The following APOOL variants were observed in gnomAD, a reference collection of about 807,000 sequenced individuals.
APOOL encodes the protein apolipoprotein O like.
A neutral mutation model predicts 23.1 loss-of-function variants in APOOL; 12 were observed. That is an observed-to-expected ratio of 0.52 (90% confidence interval 0.33 to 0.84). The LOEUF (loss-of-function observed/expected upper bound fraction) is 0.84. Ranked by LOEUF, APOOL falls within the 40% of genes least tolerant of loss-of-function variation. The pLI is 0.02. For synonymous variants in APOOL, 77 were observed against 69.9 expected, an observed-to-expected ratio of 1.10 and a Z score of -0.51; for missense variants, 212 against 199.6, an observed-to-expected ratio of 1.06 and a Z score of -0.37.
intron 1 of APOOL, among the ~76,000 whole-genome samples, chrX:85,026,818 C>A (rs889923298): frequency 1.8e-5 from 2 of 111,816 alleles, no homozygotes; most frequent in Non-Finnish European, 3.8e-5. Flanking sequence ...ATATCACTGT[C>A]AGCATTTTGG....
Position 85,076,324 on chromosome X carries a change from A to AT in APOOL, c.718+1946dup, listed in dbSNP as rs1183025890. ...CCACGTTTCATATGTAGAATAAAAC[A>AT]TTTTTTTTTTTTTGGCCATGAGAAA... On this transcript the variant is annotated intron_variant, in intron 8 of 8. Transcript: ENST00000373173. Among the ~76,000 whole-genome samples, 753 of 102,903 alleles carry AT rather than the reference A, an allele frequency of 7.3e-3. 8 individuals are homozygous for AT. Among genetic ancestry groups the AT allele is most frequent in the African/African-American group, 0.023 (653 of 28,551 alleles). 89.4% of individuals were successfully genotyped at this position (102,903 alleles called of 115,157 possible).
chrX:85,086,451 A>C (rs935372001), intron 8 of APOOL, among the ~76,000 whole-genome samples: 4 of 111,589 alleles, frequency 3.6e-5, no homozygotes, highest in African/African-American at 1.3e-4. Flanking sequence ...ATCTCAATAA[A>C]TGTCACCTCC....
At position 85,074,294 on chromosome X, in the gene APOOL, A is replaced by T; in HGVS notation, c.621A>T (p.Ile207=). The T allele has an allele frequency of 8.3e-7, 1 of 1,211,499 alleles. No individual in the cohort carries two copies. Among genetic ancestry groups the T allele is most frequent in the Non-Finnish European group, 1.1e-6 (1 of 895,186 alleles). ...AACAGCTAGGATCCTCTTCCGAAAT[A>T]GAAGTACCTGCAAAAACAACTCACG... ...EKTKLGSSSE[I]EVPAKTTHVL... is the part of the protein sequence containing the mutation. The change falls in exon 8 of 9, where the codon ATA becomes ATT. Residue 207 remains isoleucine, a synonymous_variant. Transcript: ENST00000373173.
intron 1 of APOOL, among the ~76,000 whole-genome samples, chrX:85,032,043 A>G (rs1350962908): frequency 4.5e-5 from 5 of 111,795 alleles, no homozygotes; most frequent in Middle Eastern, 4.2e-3. Flanking sequence ...GTGTGTGTCA[A>G]AGGAGGCTGT....
intron 1 of APOOL, among the ~76,000 whole-genome samples, chrX:85,026,133 C>T (rs1921835098): frequency 8.8e-6 from 1 of 113,488 alleles, no homozygotes; most frequent in African/African-American, 3.2e-5. Flanking sequence ...GGATTCTGCA[C>T]CTGTACAGGC....
At chrX:85,038,048 A>G (rs1922274926) in intron 1 of APOOL, among the ~76,000 whole-genome samples, 1 of 111,916 alleles carries the variant, frequency 8.9e-6, no homozygotes. Flanking sequence ...CAACCTACAG[A>G]GTGGGAGAAA....
chrX:85,012,992 C>T (rs1400017867), intron 1 of APOOL, among the ~76,000 whole-genome samples: 3 of 111,365 alleles, frequency 2.7e-5, no homozygotes, highest in Non-Finnish European at 3.8e-5. Flanking sequence ...TTTTTGTTGG[C>T]AATTTTTAAA....
At chrX:85,072,367 C>T (rs1487221258) in intron 6 of APOOL, among the ~76,000 whole-genome samples, 2 of 110,939 alleles carry the variant, frequency 1.8e-5, no homozygotes, top group African/African-American at 3.3e-5. Flanking sequence ...CAGACATATA[C>T]TCTTGGTGGT....
intron 1 of APOOL, among the ~76,000 whole-genome samples, chrX:85,007,347 G>A (rs987629942): frequency 2.5e-4 from 28 of 110,898 alleles, no homozygotes; most frequent in Non-Finnish European, 5.1e-4. Flanking sequence ...AGAAGATCTA[G>A]GGAATTTATC....
intron 3 of APOOL, among the ~76,000 whole-genome samples, chrX:85,052,786 A>G (rs1230846000): frequency 1.8e-5 from 2 of 111,461 alleles, no homozygotes; most frequent in African/African-American, 6.5e-5. Context: ...CCCTATGACT[A>G]TGTGCCAATA....
intron 1 of APOOL, among the ~76,000 whole-genome samples, chrX:85,021,476 C>T (rs1299563776): frequency 1.8e-5 from 2 of 110,429 alleles, no homozygotes; most frequent in Non-Finnish European, 3.8e-5. Context: ...CTAGAGAACC[C>T]GGAGTTCAGG....
rs747626909 is a variant in APOOL at position 85,032,927 on chromosome X, CGTAACTCAGTATCTTTA to C, written c.16-13516_16-13500del. Among the ~76,000 whole-genome samples the C allele has an allele frequency of 4.0e-4, 45 of 111,881 alleles. 1 individual carries two copies. The South Asian group carries it at 0.016, about 41-fold the overall frequency. The stretch of plus-strand genomic sequence containing the variant: ...AAACCCGACAGTTGAACCCTTTCTT[CGTAACTCAGTATCTTTA>C]GTTTTTAACTTTGCCAATTGTAATA... On this transcript the variant is annotated intron_variant, in intron 1 of 8. Transcript: ENST00000373173.
chrX:85,068,009 A>G (rs1923526738), intron 6 of APOOL, among the ~76,000 whole-genome samples: 1 of 111,359 alleles, frequency 9.0e-6, no homozygotes, highest in Non-Finnish European at 1.9e-5. Context: ...GTTGCCTATC[A>G]ATATTTTGAG....
intron 6 of APOOL, among the ~76,000 whole-genome samples, chrX:85,069,074 GTTC>G (rs1393389744): frequency 9.0e-6 from 1 of 111,693 alleles, no homozygotes; most frequent in East Asian, 2.8e-4. Context: ...ATTTTTAAAT[GTTC>G]TTCTAGGGTA....
chrX:85,055,125 CATT>C (rs1437814790), intron 4 of APOOL, among the ~76,000 whole-genome samples: 4 of 111,559 alleles, frequency 3.6e-5, no homozygotes, highest in African/African-American at 1.3e-4. Context: ...TTTGAATTGT[CATT>C]ATTTAATGTA....
rs1284684512 is a variant in APOOL, at chrX:85,090,307, A to T, written c.*2629A>T. ...TAGCCACACACTTAGCTCAAGGAAGATAGGGAATAGGGAAATCATGTTTCT... is the reference window on the plus strand; with the variant it reads ...TAGCCACACACTTAGCTCAAGGAAGTTAGGGAATAGGGAAATCATGTTTCT... On this transcript the variant is annotated 3_prime_UTR_variant, in exon 9 of 9. Coordinates refer to ENST00000373173, the MANE Select transcript of APOOL (RefSeq NM_198450.6). The T allele has an allele frequency of 1.8e-5, 2 of 111,926 alleles. No homozygotes were observed. Among genetic ancestry groups the T allele is most frequent in the Non-Finnish European group, 3.8e-5 (2 of 53,195 alleles). The allele number at this position is 111,926 out of a possible 1,213,427, so 9.2% of individuals were successfully genotyped here.
intron 1 of APOOL, among the ~76,000 whole-genome samples, chrX:85,015,494 C>A (rs1180617842): frequency 9.1e-6 from 1 of 109,838 alleles, no homozygotes; most frequent in South Asian, 3.7e-4. Flanking sequence ...GATTGGACTT[C>A]TTTTTTATTT....
intron 1 of APOOL, among the ~76,000 whole-genome samples, chrX:85,029,434 C>T (rs1172472625): frequency 1.8e-5 from 2 of 111,849 alleles, no homozygotes; most frequent in Admixed American, 9.5e-5. Flanking sequence ...TTCAAATGTT[C>T]AATAATTGCT....
intron 2 of APOOL, 61 bp downstream of exon 2, chrX:85,046,611 T>C: frequency 1.1e-6 from 1 of 929,131 alleles, no homozygotes; most frequent in Non-Finnish European, 1.5e-6. Flanking sequence ...AAAAGCTATA[T>C]TTTTTAAAAT....
Sources: allele counts gnomAD v4.1 joint callset (sites outside exome capture counted in the v4.1 genomes callset), GRCh38; gene constraint gnomAD v4.1.1; transcripts MANE v1.5; gene names NCBI Gene and HGNC (gene_info 2026-07-23, HGNC 2026-07-21).